The following TFPI variants were observed in gnomAD, a reference collection of about 807,000 sequenced individuals.
The protein encoded by TFPI is anti-convertin.
TFPI carries 15 observed loss-of-function variants against 34.6 expected under a neutral mutation model. That is an observed-to-expected ratio of 0.43 (90% confidence interval 0.29 to 0.67). TFPI has a LOEUF of 0.67. Ranked by LOEUF, TFPI falls within the 30% of genes least tolerant of loss-of-function variation. The probability of loss-of-function intolerance (pLI) is 0.15; values close to 1 mark genes in which losing one functional copy is unlikely to be tolerated. For synonymous variants in TFPI, 105 were observed against 120.1 expected (o/e 0.87, Z 0.82); for missense variants, 301 against 364.0 (o/e 0.83, Z 1.41).
Position 187,484,170 on chromosome 2 carries a change from C to CACA in TFPI, c.579_581dup (p.Val194dup), listed in dbSNP as rs1470262513. 1 of 1,612,376 alleles carries CACA rather than the reference C, an allele frequency of 6.2e-7. No homozygotes were observed. Among genetic ancestry groups the CACA allele is most frequent in the Non-Finnish European group, 8.5e-7 (1 of 1,178,858 alleles). On this transcript the variant is annotated inframe_insertion, in exon 6 of 8. Coordinates refer to ENST00000233156, the MANE Select transcript of TFPI (RefSeq NM_006287.6). ...TTGATTGCGGAGTCAGGGAGTTATT[C>CACA]ACAGCATTGAGCTGGGTTCCATAAT...
At chr2:187,488,963 G>A (rs1366823037) in intron 3 of TFPI, among the ~76,000 whole-genome samples, 1 of 151,396 alleles carries the variant, frequency 6.6e-6, no homozygotes, top group Non-Finnish European at 1.5e-5. Context: ...AGTTGTCTTT[G>A]TCCTACCATA....
intron 2 of TFPI, among the ~76,000 whole-genome samples, chr2:187,501,572 C>T (rs556335886): frequency 3.4e-4 from 51 of 151,996 alleles, no homozygotes; most frequent in Non-Finnish European, 5.7e-4. Flanking sequence ...GATGCTTTTC[C>T]ACTTTTTATA....
rs748099431 is a variant in TFPI at position 187,488,346 on chromosome 2, A to G, written c.349T>C (p.Leu117=). Residue 117 remains leucine (L), a synonymous_variant, in exon 4 of 8, where the codon TTG becomes CTG. Coordinates refer to ENST00000233156, the MANE Select transcript of TFPI (RefSeq NM_006287.6). ...DNANRIIKTT[L]QQEKPDFCFL... ...ACAAATAAATGTTCACCTTGTTGCA[A>G]TGTTGTCTTTATAATCCTGTTTGCA... 8 of 1,568,750 alleles carry G rather than the reference A, an allele frequency of 5.1e-6. No homozygotes were observed. The African/African-American group carries it at 6.9e-5, about 14-fold the overall frequency.
At chr2:187,543,214 G>A (rs1381601002) in intron 1 of TFPI, among the ~76,000 whole-genome samples, 1 of 152,166 alleles carries the variant, frequency 6.6e-6, no homozygotes, top group African/African-American at 2.4e-5. Flanking sequence ...CTATGTGCAC[G>A]TTCATATTTA....
At chr2:187,543,544 A>G (rs538076159) in intron 1 of TFPI, among the ~76,000 whole-genome samples, 12 of 152,212 alleles carry the variant, frequency 7.9e-5, no homozygotes, top group Non-Finnish European at 1.8e-4. Flanking sequence ...TACTTAAAAG[A>G]AGTTTAGTCA....
chr2:187,527,268 T>G (rs1687729100), intron 1 of TFPI: 1 of 152,316 alleles, frequency 6.6e-6, no homozygotes, highest in African/African-American at 2.4e-5. Context: ...CAATTGTAAA[T>G]CCACAAAATA....
chr2:187,530,289 G>A (rs1687896464), intron 1 of TFPI, among the ~76,000 whole-genome samples: 1 of 152,136 alleles, frequency 6.6e-6, no homozygotes, highest in Non-Finnish European at 1.5e-5. Context: ...AAAGTACCCA[G>A]AAGGCTTGTT....
At chr2:187,518,230 G>C (rs978477141) in intron 1 of TFPI, 37 of 152,164 alleles carry the variant, frequency 2.4e-4, no homozygotes, top group African/African-American at 8.7e-4. Flanking sequence ...AGTTTCTTCA[G>C]AGTGTTGTTG....
At chr2:187,479,231 T>C (rs1559101931) in intron 6 of TFPI, among the ~76,000 whole-genome samples, 2 of 152,010 alleles carry the variant, frequency 1.3e-5, no homozygotes, top group Admixed American at 6.6e-5. Context: ...AGAGGACTAG[T>C]GGACAATGCA....
chr2:187,508,342 T>C (rs1686372238), intron 1 of TFPI, among the ~76,000 whole-genome samples: 1 of 152,214 alleles, frequency 6.6e-6, no homozygotes. Flanking sequence ...TTTTTTCTAA[T>C]TTTGTGAAGA....
At chr2:187,549,290 T>G (rs1356011705) in intron 1 of TFPI, among the ~76,000 whole-genome samples, 2 of 152,132 alleles carry the variant, frequency 1.3e-5, no homozygotes, top group Non-Finnish European at 2.9e-5. Flanking sequence ...AGTTGTAATT[T>G]GTATTTACTT....
chr2:187,488,453 G>A, intron 3 of TFPI, 78 bp from the exon 4 acceptor site: 1 of 916,232 alleles, frequency 1.1e-6, no homozygotes, highest in Non-Finnish European at 1.6e-6. Flanking sequence ...TAACAAACAA[G>A]AGTGACATAT....
intron 6 of TFPI, among the ~76,000 whole-genome samples, chr2:187,471,442 A>G (rs1239788898): frequency 6.6e-6 from 1 of 152,182 alleles, no homozygotes; most frequent in African/African-American, 2.4e-5. Context: ...ACAATGAAAG[A>G]AAATATAAAG....
chr2:187,545,479 C>T (rs1688809463), intron 1 of TFPI, among the ~76,000 whole-genome samples: 1 of 152,046 alleles, frequency 6.6e-6, no homozygotes, highest in Non-Finnish European at 1.5e-5. Context: ...AAAACTGAAG[C>T]TCAGGAAATT....
intron 1 of TFPI, among the ~76,000 whole-genome samples, chr2:187,528,077 A>AATT (rs1687768452): frequency 1.3e-5 from 2 of 152,060 alleles, no homozygotes; most frequent in Admixed American, 1.3e-4. Context: ...GAGTTGCCTA[A>AATT]ATGTTTTCTA....
chr2:187,532,708 C>T (rs756423251), intron 1 of TFPI, among the ~76,000 whole-genome samples: 1 of 151,936 alleles, frequency 6.6e-6, no homozygotes, highest in Non-Finnish European at 1.5e-5. Context: ...ACCCCAGTGG[C>T]GTCTGGAATG....
At chr2:187,522,409 G>C (rs1386672072) in intron 1 of TFPI, among the ~76,000 whole-genome samples, 1 of 151,988 alleles carries the variant, frequency 6.6e-6, no homozygotes, top group African/African-American at 2.4e-5. Flanking sequence ...GGAGAGTGGG[G>C]AAAATAGAGT....
At chr2:187,507,759 T>C (rs77354485) in intron 1 of TFPI, among the ~76,000 whole-genome samples, 1 of 152,224 alleles carries the variant, frequency 6.6e-6, no homozygotes, top group African/African-American at 2.4e-5. Context: ...ATTCTGTAGG[T>C]TGCCTGTTCA....
intron 1 of TFPI, among the ~76,000 whole-genome samples, chr2:187,541,085 T>A (rs1688561303): frequency 1.3e-5 from 2 of 152,050 alleles, no homozygotes; most frequent in African/African-American, 4.8e-5. Flanking sequence ...CCATATTTCA[T>A]AACATCACAA....
Sources: gnomAD v4.1 joint callset for allele counts (sites outside exome capture counted in the v4.1 genomes callset) on GRCh38, gnomAD v4.1.1 for gene constraint, MANE v1.5 for transcripts, NCBI Gene and HGNC (gene_info 2026-07-23, HGNC 2026-07-21) for gene names.